MDGA2: variants seen among roughly 807,000 people sequenced by gnomAD.
MDGA2 encodes MAM domain containing glycosylphosphatidylinositol anchor 2, also known as MAM domain-containing glycosylphosphatidylinositol anchor protein 2.
A neutral mutation model predicts 117.8 loss-of-function variants in MDGA2; 40 were observed. The observed-to-expected ratio is 0.34, with a 90% CI of 0.26 to 0.44. The LOEUF is 0.44. Ranked by LOEUF, MDGA2 falls within the 20% of genes least tolerant of loss-of-function variation. The pLI is 1.00. For synonymous variants in MDGA2, 452 were observed against 439.0 expected, an observed-to-expected ratio of 1.03 and a Z score of -0.37; for missense variants, 1,123 against 1,250.6, an observed-to-expected ratio of 0.90 and a Z score of 1.54.
chr14:46,899,017 G>C (rs909672690), intron 10 of MDGA2, among the ~76,000 whole-genome samples: 1 of 152,036 alleles, frequency 6.6e-6, no homozygotes, highest in African/African-American at 2.4e-5. Context: ...ATTAGAGGGA[G>C]ATTCCTGAAC....
intron 1 of MDGA2, among the ~76,000 whole-genome samples, chr14:47,659,083 T>A (rs1317633236): frequency 6.6e-6 from 1 of 152,210 alleles, no homozygotes; most frequent in Non-Finnish European, 1.5e-5. Context: ...TGCATTCTGC[T>A]TTGATCTATT....
intron 1 of MDGA2, among the ~76,000 whole-genome samples, chr14:47,621,878 G>A (rs1477286522): frequency 5.3e-5 from 8 of 152,152 alleles, no homozygotes; most frequent in Non-Finnish European, 1.0e-4. Context: ...CTAAACAACT[G>A]AAATTCTGGG....
chr14:46,845,251 G>T (rs187937595), intron 16 of MDGA2, among the ~76,000 whole-genome samples: 1 of 152,118 alleles, frequency 6.6e-6, no homozygotes. Flanking sequence ...TTGTGAAGAA[G>T]GTACTCTGCT....
chr14:47,207,493 G>T (rs940376534), intron 3 of MDGA2, among the ~76,000 whole-genome samples: 1 of 151,944 alleles, frequency 6.6e-6, no homozygotes, highest in African/African-American at 2.4e-5. Flanking sequence ...CAGGTGTGAA[G>T]TGATGAGAGA....
intron 1 of MDGA2, among the ~76,000 whole-genome samples, chr14:47,372,569 T>G (rs998461848): frequency 4.6e-5 from 7 of 151,838 alleles, no homozygotes; most frequent in Non-Finnish European, 7.4e-5. Flanking sequence ...CTACATCCAG[T>G]GCTGGTGGAG....
intron 1 of MDGA2, among the ~76,000 whole-genome samples, chr14:47,500,705 C>T (rs1195762424): frequency 2.0e-5 from 3 of 151,996 alleles, no homozygotes; most frequent in Admixed American, 6.6e-5. Flanking sequence ...CAAAACACAT[C>T]AGACATTTTA....
intron 1 of MDGA2, among the ~76,000 whole-genome samples, chr14:47,595,428 G>A (rs1362323026): frequency 6.6e-6 from 1 of 151,552 alleles, no homozygotes; most frequent in East Asian, 1.9e-4. Context: ...CAGCTACTCG[G>A]GAGGCTGAGG....
At chr14:47,621,463 T>C (rs1897048819) in intron 1 of MDGA2, among the ~76,000 whole-genome samples, 1 of 152,132 alleles carries the variant, frequency 6.6e-6, no homozygotes, top group African/African-American at 2.4e-5. Flanking sequence ...TAGCTAGGAC[T>C]ACAAGAGCTC....
chr14:47,225,072 T>G (rs1261898793), intron 2 of MDGA2, among the ~76,000 whole-genome samples: 1 of 152,162 alleles, frequency 6.6e-6, no homozygotes, highest in Non-Finnish European at 1.5e-5. Context: ...CAACAAAATT[T>G]TAACCTTAAC....
At chr14:47,307,632 G>T (rs979148499) in intron 1 of MDGA2, among the ~76,000 whole-genome samples, 4 of 151,740 alleles carry the variant, frequency 2.6e-5, no homozygotes, top group African/African-American at 9.7e-5. Flanking sequence ...AGTGAGACAA[G>T]ATCCGAGATC....
intron 8 of MDGA2, among the ~76,000 whole-genome samples, chr14:47,031,107 G>A (rs10144350): frequency 0.7 from 105,872 of 151,652 alleles, 37,221 homozygotes; most frequent in East Asian, 0.82. Context: ...TTATAATTTT[G>A]TAAGTTATAT....
intron 1 of MDGA2, among the ~76,000 whole-genome samples, chr14:47,441,329 C>T (rs751394676): frequency 1.8e-4 from 27 of 152,260 alleles, no homozygotes; most frequent in Non-Finnish European, 3.7e-4. Context: ...AGCAGGCAGA[C>T]TGGTGAGGTT....
intron 2 of MDGA2, among the ~76,000 whole-genome samples, chr14:47,270,577 G>T (rs1432339311): frequency 6.6e-6 from 1 of 152,190 alleles, no homozygotes; most frequent in Non-Finnish European, 1.5e-5. Context: ...CTTGGTTTAT[G>T]TGTGGCTCAA....
At chr14:47,179,422 C>CT (rs1884610063) in intron 3 of MDGA2, among the ~76,000 whole-genome samples, 1 of 151,762 alleles carries the variant, frequency 6.6e-6, no homozygotes, top group African/African-American at 2.4e-5. Flanking sequence ...AACTCTTTGA[C>CT]TTTTAAATAT....
chr14:47,431,347 T>C (rs761676107), intron 1 of MDGA2, among the ~76,000 whole-genome samples: 1 of 151,922 alleles, frequency 6.6e-6, no homozygotes, highest in Non-Finnish European at 1.5e-5. Flanking sequence ...GTGAAAAAAA[T>C]TGCTTAAAAG....
At position 46,845,779 on chromosome 14, in the gene MDGA2, G is replaced by C. The variant is rs555954358; in HGVS notation, c.2976C>G (p.Asp992Glu). 2.5e-6 allele frequency: 4 copies of C among 1,610,328 alleles called. 1 individual carries two copies. The South Asian group carries it at 4.4e-5, about 18-fold the overall frequency. Reference protein sequence around the residue: ...SIAEGECAKQDLATKNSVDGA... With the variant: ...SIAEGECAKQELATKNSVDGA... ...AAAGATACTTACTCTTAGTTGCTAG[G>C]TCTTGTTTTGCACATTCTCCTTCTG... Residue 992 changes from aspartate (D) to glutamate (E), a missense_variant, in exon 16 of 17, where the codon GAC becomes GAG. Asp to Glu is a conservative substitution (Grantham distance 45). Coordinates refer to ENST00000399232, the MANE Select transcript of MDGA2 (RefSeq NM_001113498.3).
intron 14 of MDGA2, among the ~76,000 whole-genome samples, chr14:46,858,099 A>G (rs1881345803): frequency 6.6e-6 from 1 of 151,204 alleles, no homozygotes; most frequent in African/African-American, 2.4e-5. Context: ...ATATTCTTGT[A>G]TAGGTCATTA....
intron 1 of MDGA2, among the ~76,000 whole-genome samples, chr14:47,385,514 GAAT>G (rs767796049): frequency 7.2e-5 from 11 of 152,058 alleles, no homozygotes; most frequent in African/African-American, 1.4e-4. Flanking sequence ...TTTAAATATG[GAAT>G]AATAATATTA....
intron 7 of MDGA2, among the ~76,000 whole-genome samples, chr14:47,045,829 G>A (rs1451835702): frequency 3.3e-5 from 5 of 152,042 alleles, no homozygotes; most frequent in Non-Finnish European, 7.4e-5. Flanking sequence ...GCCGGGCGTG[G>A]TGGCGGGCGC....
Sources: gnomAD v4.1 joint callset for allele counts (sites outside exome capture counted in the v4.1 genomes callset) on GRCh38, gnomAD v4.1.1 for gene constraint, MANE v1.5 for transcripts, NCBI Gene and HGNC (gene_info 2026-07-23, HGNC 2026-07-21) for gene names.